The following ZNF469 variants were observed in gnomAD, a reference collection of about 807,000 sequenced individuals.
The protein encoded by ZNF469 is zinc finger protein 469.
Under a neutral mutation model 1.0 loss-of-function variants are expected in ZNF469, and 1 was observed. The ratio of observed to expected loss-of-function variants is 1.00; its 90% CI spans 0.35 to 4.73. The LOEUF is 4.73. Among genes scored for constraint, ZNF469 ranks in the 30% most tolerant of loss-of-function variants. The pLI is 0.16. For missense variants in ZNF469, 6,100 were observed against 5,356.3 expected, an observed-to-expected ratio of 1.14 and a Z score of -4.33; for synonymous variants, 2,703 against 2,363.4, an observed-to-expected ratio of 1.14 and a Z score of -4.17.
At chr16:88,328,066 G>T in the ZNF469 span, among the ~76,000 whole-genome samples, 2 of 152,228 alleles carry the variant, frequency 1.3e-5, no homozygotes, top group South Asian at 4.1e-4. Flanking sequence ...GACACAGAAG[G>T]GCACACGCCA....
At chr16:88,101,945 G>A in the ZNF469 span, among the ~76,000 whole-genome samples, 1 of 152,166 alleles carries the variant, frequency 6.6e-6, no homozygotes, top group Non-Finnish European at 1.5e-5. Flanking sequence ...CAGGATCCTG[G>A]TGAGGGTGGC....
At chr16:88,321,489 A>G in the ZNF469 span, among the ~76,000 whole-genome samples, 8 of 150,910 alleles carry the variant, frequency 5.3e-5, no homozygotes, top group African/African-American at 2.0e-4. Context: ...TATGGCTCTC[A>G]GAGTCTGCAT....
chr16:88,332,126 C>A, the ZNF469 span, among the ~76,000 whole-genome samples: 2 of 152,218 alleles, frequency 1.3e-5, no homozygotes, highest in South Asian at 2.1e-4. Context: ...CTCTCCACCC[C>A]CTCCTTGGTG....
At chr16:88,279,733 C>T in the ZNF469 span, among the ~76,000 whole-genome samples, 25 of 116,376 alleles carry the variant, frequency 2.1e-4, no homozygotes, top group South Asian at 1.1e-3. Context: ...GTTAGTGCTG[C>T]GCCACACTGA....
intron 1 of ZNF469, among the ~76,000 whole-genome samples, chr16:88,384,985 C>T (rs565593117): frequency 6.6e-6 from 1 of 152,284 alleles, no homozygotes; most frequent in African/African-American, 2.4e-5. Flanking sequence ...AGGCAGCAGG[C>T]AGCACATCTG....
chr16:88,360,618 C>T, the ZNF469 span, among the ~76,000 whole-genome samples: 3 of 111,566 alleles, frequency 2.7e-5, no homozygotes, highest in African/African-American at 1.2e-4. Context: ...CCGCATGCTC[C>T]CTCGAAGGCA....
At chr16:88,260,927 G>A in the ZNF469 span, among the ~76,000 whole-genome samples, 1 of 152,170 alleles carries the variant, frequency 6.6e-6, no homozygotes, top group Non-Finnish European at 1.5e-5. This position sits in a 1 kb window ranked among gnomAD's most constrained non-coding sequence, Gnocchi z 4.1. Context: ...GCGTGGCCAC[G>A]GACGCAGACT....
the ZNF469 span, among the ~76,000 whole-genome samples, chr16:88,176,895 A>G: frequency 6.6e-6 from 1 of 152,374 alleles, no homozygotes; most frequent in East Asian, 1.9e-4. Flanking sequence ...GTAAATGCAG[A>G]AACGACAGAT....
rs1905842865 is a variant in ZNF469, at chr16:88,428,260, C to A, written c.790C>A (p.Pro264Thr). 1.3e-6 allele frequency: 2 copies of A among 1,550,390 alleles called. No individual in the cohort carries two copies. Among genetic ancestry groups the A allele is most frequent in the Non-Finnish European group, 8.7e-7 (1 of 1,146,946 alleles). ...GGAACCTATTCCCAAAGGCAGCAGG[C>A]CCGGCGGCAGCCCCAGGGGAGTTTC... ...EPEPIPKGSR[P>T]GGSPRGVSFQ... The change falls in exon 3 of 3, where the codon CCC becomes ACC. Residue 264 changes from proline (P) to threonine (T), a missense_variant. Transcript: ENST00000565624.
the ZNF469 span, among the ~76,000 whole-genome samples, chr16:88,120,850 C>T: frequency 1.3e-5 from 2 of 152,172 alleles, no homozygotes; most frequent in Admixed American, 1.3e-4. Flanking sequence ...CAGGTGTGAG[C>T]CCCGGCTGGC....
chr16:88,255,802 C>T, the ZNF469 span, among the ~76,000 whole-genome samples: 1 of 152,116 alleles, frequency 6.6e-6, no homozygotes, highest in Non-Finnish European at 1.5e-5. Context: ...CTTATCACAG[C>T]CTTAGGATGT....
chr16:88,284,563 ATTGT>A, the ZNF469 span, among the ~76,000 whole-genome samples: 1 of 136,298 alleles, frequency 7.3e-6, no homozygotes, highest in Non-Finnish European at 1.5e-5. Flanking sequence ...GTGAGCTGTG[ATTGT>A]ACCACTGCAC....
the ZNF469 span, among the ~76,000 whole-genome samples, chr16:88,162,201 T>C: frequency 8.5e-5 from 13 of 152,092 alleles, no homozygotes; most frequent in African/African-American, 3.1e-4. Context: ...CTGGGTCTCT[T>C]AGACTCGTAG....
the ZNF469 span, among the ~76,000 whole-genome samples, chr16:88,345,265 C>T: frequency 7.9e-5 from 12 of 152,214 alleles, no homozygotes; most frequent in African/African-American, 2.2e-4. Flanking sequence ...CTCGTGTGAC[C>T]GTGGGACAGC....
At chr16:88,387,691 G>A (rs780030978) in intron 1 of ZNF469, among the ~76,000 whole-genome samples, 4 of 152,196 alleles carry the variant, frequency 2.6e-5, no homozygotes, top group African/African-American at 9.6e-5. Flanking sequence ...TTGACCCAGC[G>A]AGGAGAGCCC....
the ZNF469 span, among the ~76,000 whole-genome samples, chr16:88,210,429 C>T: frequency 1.3e-5 from 2 of 152,074 alleles, no homozygotes; most frequent in African/African-American, 4.8e-5. Flanking sequence ...TCTAGTGTTG[C>T]ATTTGGATGT....
chr16:88,108,092 C>T, the ZNF469 span, among the ~76,000 whole-genome samples: 1 of 150,724 alleles, frequency 6.6e-6, no homozygotes. Context: ...GAAATAAGGA[C>T]ATTTGCACGT....
At chr16:88,318,809 C>G in the ZNF469 span, among the ~76,000 whole-genome samples, 4 of 152,234 alleles carry the variant, frequency 2.6e-5, no homozygotes, top group African/African-American at 9.6e-5. Flanking sequence ...TGCCAAATCC[C>G]GAACAGCGCG....
At chr16:88,336,942 CTG>C in the ZNF469 span, among the ~76,000 whole-genome samples, 4 of 152,214 alleles carry the variant, frequency 2.6e-5, no homozygotes, top group Non-Finnish European at 5.9e-5. Context: ...CAGAATCATG[CTG>C]TGTTTGCCCC....
Sources: gnomAD v4.1 joint callset for allele counts (sites outside exome capture counted in the v4.1 genomes callset) on GRCh38, gnomAD v4.1.1 for gene constraint, Gnocchi (gnomAD v3.1) non-coding constraint, MANE v1.5 for transcripts, NCBI Gene and HGNC (gene_info 2026-07-23, HGNC 2026-07-21) for gene names.